EPS15: variants seen among roughly 807,000 people sequenced by gnomAD.
The protein encoded by EPS15 is epidermal growth factor receptor pathway substrate 15, also known as epidermal growth factor receptor substrate 15.
Under a neutral mutation model 113.8 loss-of-function variants are expected in EPS15, and 72 were observed. That is an observed-to-expected ratio of 0.63 (90% confidence interval 0.52 to 0.77). The LOEUF is 0.77. Ranked by LOEUF, EPS15 falls within the 30% of genes least tolerant of loss-of-function variation. The pLI, the probability that EPS15 is intolerant of heterozygous loss-of-function variation, is 0.00. For missense variants in EPS15, 1,048 were observed against 1,045.8 expected, an observed-to-expected ratio of 1.00 and a Z score of -0.03; for synonymous variants, 344 against 363.4, an observed-to-expected ratio of 0.95 and a Z score of 0.61.
Position 51,472,956 on chromosome 1 carries a change from G to A in EPS15, c.76-8C>T, listed in dbSNP as rs769578644. On this transcript the variant is annotated splice_region_variant and splice_polypyrimidine_tract_variant and intron_variant, in intron 2 of 24. Transcript: ENST00000371733. ...AGTATTGCCTGTATCAACCTGAAAA[G>A]ATACAAATCCGTAAGTTGACAACAA... The A allele has an allele frequency of 1.2e-6, 2 of 1,605,198 alleles. No individual in the cohort carries two copies. Among genetic ancestry groups the A allele is most frequent in the South Asian group, 1.1e-5 (1 of 90,736 alleles).
intron 1 of EPS15, among the ~76,000 whole-genome samples, chr1:51,507,433 C>T (rs1222337922): frequency 2.0e-5 from 3 of 152,006 alleles, no homozygotes; most frequent in Non-Finnish European, 4.4e-5. Flanking sequence ...GAGGCTGAGG[C>T]GGGTAGATCA....
rs752255635 is a variant in EPS15 at position 51,465,291 on chromosome 1, G to A, written c.345C>T (p.Thr115=). The change falls in exon 6 of 25, where the codon ACC becomes ACT. Residue 115 remains threonine (T), a synonymous_variant. Transcript: ENST00000371733. ...DTSSPLLISG[T]SAAELPWAVK... ...CAGCCCATGGGAGCTCAGCTGCAGA[G>A]GTTCCACTGATTAGCAAAGGACTAC... 1 of 1,611,010 alleles carries A rather than the reference G, an allele frequency of 6.2e-7. No individual in the cohort carries two copies. The highest frequency in any genetic ancestry group is 2.2e-5 in the East Asian group (1 of 44,734).
At chr1:51,356,936 T>C (rs1646230810) in intron 24 of EPS15, 90 bp from the exon 25 acceptor site, 3 of 1,068,406 alleles carry the variant, frequency 2.8e-6, no homozygotes, top group African/African-American at 3.2e-5. Context: ...AAAGGACACC[T>C]GAAGGACTCT....
In EPS15 at chr1:51,444,940, G is replaced by C; in HGVS notation, c.903C>G (p.His301Gln). ...GTGGAATCATTTCAGGAGTAAGAAC[G>C]TGAGGAGGATCAATGCCCTTGATTA... ...QKLIKGIDPP[H>Q]VLTPEMIPPS... The change falls in exon 11 of 25, where the codon CAC (histidine) becomes CAG (glutamine). Residue 301 changes from histidine to glutamine, a missense_variant. Physicochemically the swap from His to Gln is conservative, Grantham distance 24. Coordinates refer to ENST00000371733, the MANE Select transcript of EPS15 (RefSeq NM_001981.3). 1 of 1,613,990 alleles carries C rather than the reference G, an allele frequency of 6.2e-7. No homozygotes were observed. The highest frequency in any genetic ancestry group is 8.5e-7 in the Non-Finnish European group (1 of 1,179,896).
intron 11 of EPS15, among the ~76,000 whole-genome samples, 191 bp from the exon 12 acceptor site, chr1:51,440,623 T>C (rs1005430129): frequency 6.6e-6 from 1 of 151,934 alleles, no homozygotes; most frequent in African/African-American, 2.4e-5. Context: ...TAGTAAGACA[T>C]TTACATTTCC....
At chr1:51,455,203 A>G (rs1233702227) in intron 8 of EPS15, among the ~76,000 whole-genome samples, 1 of 152,246 alleles carries the variant, frequency 6.6e-6, no homozygotes, top group Admixed American at 6.5e-5. Context: ...CCCCACAAAG[A>G]GAATAAACTT....
intron 24 of EPS15, among the ~76,000 whole-genome samples, chr1:51,358,952 C>A (rs895506669): frequency 6.6e-6 from 1 of 151,954 alleles, no homozygotes; most frequent in East Asian, 1.9e-4. Context: ...GATCCGCCCG[C>A]TTCGGCCTTC....
chr1:51,403,638 G>A, intron 16 of EPS15, 106 bp from the exon 17 acceptor site: 1 of 575,160 alleles, frequency 1.7e-6, no homozygotes, highest in Non-Finnish European at 3.0e-6. Context: ...AAGACAAGCA[G>A]AATGTATTCA....
chr1:51,450,748 G>A (rs1225178206), intron 8 of EPS15, among the ~76,000 whole-genome samples: 2 of 151,678 alleles, frequency 1.3e-5, no homozygotes, highest in South Asian at 2.1e-4. Flanking sequence ...ATGAAATGCT[G>A]TATGAAAAAG....
intron 1 of EPS15, among the ~76,000 whole-genome samples, chr1:51,506,532 G>A (rs1644501572): frequency 6.6e-6 from 1 of 152,016 alleles, no homozygotes; most frequent in African/African-American, 2.4e-5. Context: ...ATTTTACAGT[G>A]AAATAAGTCT....
intron 4 of EPS15, 21 bp downstream of exon 4, chr1:51,471,669 A>G (rs1414204477): frequency 6.3e-7 from 1 of 1,579,360 alleles, no homozygotes; most frequent in South Asian, 1.1e-5. Context: ...AAAAAAAATC[A>G]TATGAATATC....
At chr1:51,388,435 T>G (rs1232416055) in intron 21 of EPS15, among the ~76,000 whole-genome samples, 1 of 151,820 alleles carries the variant, frequency 6.6e-6, no homozygotes, top group African/African-American at 2.4e-5. Context: ...GCAAACACAT[T>G]CAAAAGCTAG....
At chr1:51,471,786 A>T in intron 3 of EPS15, 49 bp from the exon 4 acceptor site, 1 of 1,284,358 alleles carries the variant, frequency 7.8e-7, no homozygotes, top group South Asian at 1.2e-5. Context: ...AACAAAAGTC[A>T]TCTGAATGAT....
At chr1:51,412,956 C>A (rs1649869841) in intron 13 of EPS15, among the ~76,000 whole-genome samples, 1 of 152,158 alleles carries the variant, frequency 6.6e-6, no homozygotes, top group African/African-American at 2.4e-5. Context: ...TTTCTCTAGT[C>A]ACTGTTATTT....
chr1:51,509,156 AGAG>A (rs1254534817), intron 1 of EPS15, among the ~76,000 whole-genome samples: 2 of 152,218 alleles, frequency 1.3e-5, no homozygotes, highest in Non-Finnish European at 1.5e-5. Flanking sequence ...AAGGCTTACT[AGAG>A]TAGTGACACA....
intron 5 of EPS15, among the ~76,000 whole-genome samples, chr1:51,466,702 A>T (rs1013634574): frequency 5.9e-5 from 9 of 151,792 alleles, no homozygotes; most frequent in East Asian, 1.9e-4. Context: ...GTAAAAAATT[A>T]AAAAAAATTT....
At chr1:51,391,865 G>A (rs1411135629) in intron 21 of EPS15, among the ~76,000 whole-genome samples, 1 of 152,116 alleles carries the variant, frequency 6.6e-6, no homozygotes, top group Non-Finnish European at 1.5e-5. Context: ...GGTTTAGGAA[G>A]GAAAAATAGC....
At chr1:51,455,720 A>T (rs1436049848) in intron 8 of EPS15, among the ~76,000 whole-genome samples, 1 of 152,232 alleles carries the variant, frequency 6.6e-6, no homozygotes, top group Non-Finnish European at 1.5e-5. Context: ...CTTACAATCT[A>T]GTCAGATAAT....
intron 2 of EPS15, among the ~76,000 whole-genome samples, chr1:51,477,003 T>C (rs2148517719): frequency 6.6e-6 from 1 of 152,348 alleles, no homozygotes; most frequent in East Asian, 1.9e-4. Context: ...CTTTTTCTAT[T>C]GATTGGAATA....
Sources: allele counts gnomAD v4.1 joint callset (sites outside exome capture counted in the v4.1 genomes callset), GRCh38; gene constraint gnomAD v4.1.1; transcripts MANE v1.5; gene names NCBI Gene and HGNC (gene_info 2026-07-23, HGNC 2026-07-21).